Variants in ADNP observed in about 807,000 individuals in gnomAD.
ADNP encodes the protein activity-dependent neuroprotector homeobox protein.
Under a neutral mutation model 84.9 loss-of-function variants are expected in ADNP, and 4 were observed. The observed-to-expected ratio is 0.05, with a 90% CI of 0.02 to 0.11. The LOEUF (loss-of-function observed/expected upper bound fraction) is 0.11. Ranked by LOEUF, ADNP falls within the 10% of genes least tolerant of loss-of-function variation. ADNP has a pLI of 1.00. For missense variants in ADNP, 1,132 were observed against 1,326.0 expected, an observed-to-expected ratio of 0.85 and a Z score of 2.27; for synonymous variants, 554 against 468.1, an observed-to-expected ratio of 1.18 and a Z score of -2.37.
rs370874843 is a variant in ADNP at position 50,891,883 on chromosome 20, T to A, written c.2831A>T (p.Glu944Val). The change falls in exon 6 of 6, where the codon GAA becomes GTA. Residue 944 changes from glutamate (E) to valine (V), a missense_variant. Physicochemically the swap from Glu to Val is moderately radical, Grantham distance 121. This residue lies in a region of ADNP where 381 missense variants were observed against 319.9 expected (regional missense o/e 1.19). Transcript: ENST00000621696. The part of the protein sequence containing the change: ...SKYETIHLTE[E>V]PTKLMHNASD... ...TGCATTGTGCATTAGTTTGGTTGGT[T>A]CCTCAGTCAAATGAATAGTTTCGTA... The A allele has an allele frequency of 1.2e-6, 2 of 1,614,076 alleles. No individual in the cohort carries two copies. The highest frequency in any genetic ancestry group is 2.7e-5 in the African/African-American group (2 of 74,926).
At chr20:50,903,093 A>C (rs913336624) in intron 4 of ADNP, among the ~76,000 whole-genome samples, 1 of 152,196 alleles carries the variant, frequency 6.6e-6, no homozygotes, top group Non-Finnish European at 1.5e-5. Context: ...CGTGCAAAAC[A>C]CTGTGCTAGG....
At chr20:50,907,410 G>A (rs2122868349) in intron 2 of ADNP, among the ~76,000 whole-genome samples, 1 of 152,144 alleles carries the variant, frequency 6.6e-6, no homozygotes, top group Admixed American at 6.5e-5. Flanking sequence ...GGGACTACAG[G>A]CGCGTACCAC....
intron 2 of ADNP, among the ~76,000 whole-genome samples, chr20:50,922,528 C>T (rs1984023723): frequency 6.6e-6 from 1 of 151,444 alleles, no homozygotes; most frequent in South Asian, 2.1e-4. Context: ...GGGCGCCACC[C>T]TCCAGGTGTG....
rs201610319 is a variant in ADNP at position 50,893,675 on chromosome 20, T to C, written c.1039A>G (p.Met347Val). The change falls in exon 6 of 6, where the codon ATG (methionine) becomes GTG (valine). Residue 347 changes from methionine (M) to valine (V), a missense_variant. By Grantham distance (21) the Met-to-Val change is conservative. Around this residue, in one of 10 missense-constraint regions of ADNP, gnomAD observed 239 missense variants for 213.2 expected, o/e 1.12. Transcript: ENST00000621696. The surrounding 1 kb of genome is among the most constrained non-coding windows in gnomAD (Gnocchi z 4.4). ...GCGTTGCCACCTAGACCCAGTCTCA[T>C]TGACTGACCAACACTGTAACCCTGG... Reference protein sequence around the residue: ...VGQGYSVGQSMRLGLGGNAPV... With the variant: ...VGQGYSVGQSVRLGLGGNAPV... 172 of 1,614,190 alleles carry C rather than the reference T, an allele frequency of 1.1e-4. No individual in the cohort carries two copies. The highest frequency in any genetic ancestry group is 3.3e-4 in the Middle Eastern group (2 of 6,062).
intron 5 of ADNP, among the ~76,000 whole-genome samples, chr20:50,897,886 AGAG>A (rs1451960651): frequency 2.0e-5 from 3 of 152,224 alleles, no homozygotes; most frequent in Non-Finnish European, 2.9e-5. Flanking sequence ...GCATCTTGAA[AGAG>A]GAGCAGGGTC....
chr20:50,891,818 T>C lies in ADNP; in HGVS notation c.2896A>G (p.Lys966Glu), dbSNP rs1980770782. The C allele has an allele frequency of 6.2e-7, 1 of 1,614,094 alleles. No individual in the cohort carries two copies. Among genetic ancestry groups the C allele is most frequent in the African/African-American group, 1.3e-5 (1 of 74,934 alleles). Residue 966 changes from lysine (K) to glutamate (E), a missense_variant, in exon 6 of 6, where the codon AAA becomes GAA. Physicochemically the swap from Lys to Glu is moderately conservative, Grantham distance 56. Around this residue, in one of 10 missense-constraint regions of ADNP, gnomAD observed 381 missense variants for 319.9 expected, o/e 1.19. Transcript: ENST00000621696. ...EVDQDDVVEWKDGASPSESGP... is the reference protein window; with the variant it reads ...EVDQDDVVEWEDGASPSESGP... Reference sequence around the variant, plus strand: ...CTCTCAGATGGAGAAGCACCGTCTTTCCACTCAACAACATCGTCTTGGTCA... The same window carrying C: ...CTCTCAGATGGAGAAGCACCGTCTTCCCACTCAACAACATCGTCTTGGTCA...
At chr20:50,897,633 T>C (rs1981543989) in intron 5 of ADNP, among the ~76,000 whole-genome samples, 1 of 152,196 alleles carries the variant, frequency 6.6e-6, no homozygotes, top group African/African-American at 2.4e-5. Context: ...TCCAGAATTG[T>C]ATCAGAATCT....
intron 2 of ADNP, among the ~76,000 whole-genome samples, chr20:50,922,285 G>A (rs1344159802): frequency 6.6e-6 from 1 of 152,030 alleles, no homozygotes; most frequent in Non-Finnish European, 1.5e-5. Flanking sequence ...CACAAGATGG[G>A]GGCTCAGTCC....
rs767049382 is a variant in ADNP, at chr20:50,891,837, T to C, written c.2877A>G (p.Gln959=). ...CGTCTTTCCACTCAACAACATCGTC[T>C]TGGTCAACCTCACTATCAGATGCAT... is the stretch of plus-strand genomic sequence containing the variant. ...MHNASDSEVD[Q]DDVVEWKDGA... The change falls in exon 6 of 6, where the codon CAA becomes CAG. Residue 959 remains glutamine (Q), a synonymous_variant. Coordinates refer to ENST00000621696, the MANE Select transcript of ADNP (RefSeq NM_001282531.3). The C allele has an allele frequency of 1.2e-6, 2 of 1,614,136 alleles. No individual in the cohort carries two copies. The highest frequency in any genetic ancestry group is 2.7e-5 in the African/African-American group (2 of 74,942).
intron 2 of ADNP, among the ~76,000 whole-genome samples, chr20:50,925,964 T>C (rs537564086): frequency 6.6e-6 from 1 of 152,136 alleles, no homozygotes; most frequent in Non-Finnish European, 1.5e-5. Context: ...AACCAAGCGT[T>C]GTGGCAGGCA....
chr20:50,889,745 T>A lies in ADNP; in HGVS notation c.*1660A>T. ...GCTGGAAATGTTGGCCTAATTCTGCTTCCTTGTAACTTTCTGCTTTTTAGT... is the reference window on the plus strand; with the variant it reads ...GCTGGAAATGTTGGCCTAATTCTGCATCCTTGTAACTTTCTGCTTTTTAGT... On this transcript the variant is annotated 3_prime_UTR_variant, in exon 6 of 6. Transcript: ENST00000621696. 2.5e-6 allele frequency: 1 copy of A among 396,218 alleles called. No individual in the cohort carries two copies. The highest frequency in any genetic ancestry group is 4.4e-6 in the Non-Finnish European group (1 of 224,910). 24.5% of individuals were successfully genotyped at this position (396,218 alleles called of 1,614,324 possible).
At position 50,931,257 on chromosome 20, in the gene ADNP, G is replaced by T. The variant is rs1341014378; in HGVS notation, c.-696C>A. ...GCACAAGATGGCGGCGGCCGGGGGG[G>T]GGGGGGCGGGAGTTCAGCTCATGGA... On this transcript the variant is annotated 5_prime_UTR_variant, in exon 1 of 6. Transcript: ENST00000621696. The T allele has an allele frequency of 4.7e-5, 5 of 106,252 alleles. No individual in the cohort carries two copies. Among genetic ancestry groups the T allele is most frequent in the Non-Finnish European group, 1.0e-4 (5 of 49,314 alleles). 6.6% of individuals were successfully genotyped at this position (106,252 alleles called of 1,614,324 possible).
chr20:50,893,667 C>T lies in ADNP; in HGVS notation c.1047G>A (p.Leu349=), dbSNP rs1981065542. 1 of 1,614,084 alleles carries T rather than the reference C, an allele frequency of 6.2e-7. No individual in the cohort carries two copies. The highest frequency in any genetic ancestry group is 1.7e-5 in the Admixed American group (1 of 60,012). ...QGYSVGQSMR[L]GLGGNAPVSI... is the part of the protein sequence containing the mutation. ...AAACTGGTGCGTTGCCACCTAGACC[C>T]AGTCTCATTGACTGACCAACACTGT... Residue 349 remains leucine (L), a synonymous_variant, in exon 6 of 6, where the codon CTG becomes CTA. Coordinates refer to ENST00000621696, the MANE Select transcript of ADNP (RefSeq NM_001282531.3). This position sits in a 1 kb window ranked among gnomAD's most constrained non-coding sequence, Gnocchi z 4.4.
intron 2 of ADNP, among the ~76,000 whole-genome samples, chr20:50,919,207 C>T (rs762301315): frequency 6.6e-6 from 1 of 151,476 alleles, no homozygotes; most frequent in African/African-American, 2.4e-5. Flanking sequence ...GCTCACAGCT[C>T]CCAGCACTTT....
At chr20:50,901,860 T>TAAGAA (rs1281963538) in intron 5 of ADNP, among the ~76,000 whole-genome samples, 157 bp downstream of exon 5, 1 of 152,216 alleles carries the variant, frequency 6.6e-6, no homozygotes, top group African/African-American at 2.4e-5. Flanking sequence ...AAGTTTTTCT[T>TAAGAA]AGTCTTCCCA....
intron 2 of ADNP, among the ~76,000 whole-genome samples, chr20:50,910,877 C>T (rs1359574506): frequency 6.6e-6 from 1 of 152,122 alleles, no homozygotes. Flanking sequence ...TGGTCTCCAA[C>T]TCTTGAGCTC....
intron 5 of ADNP, among the ~76,000 whole-genome samples, chr20:50,896,568 A>C (rs546822030): frequency 4.5e-4 from 68 of 151,736 alleles, no homozygotes; most frequent in African/African-American, 1.2e-3. Flanking sequence ...TCAAAAAAAA[A>C]CCAAAAACTT....
At chr20:50,894,761 GTGGTGGGCGCCTGTA>G (rs1981206431) in intron 5 of ADNP, among the ~76,000 whole-genome samples, 1 of 152,158 alleles carries the variant, frequency 6.6e-6, no homozygotes, top group Non-Finnish European at 1.5e-5. Context: ...GCTGAGCGTG[GTGGTGGGCGCCTGTA>G]ATCCCAGCTA....
chr20:50,919,291 G>GTATATATATATATATATA (rs199569280), intron 2 of ADNP, among the ~76,000 whole-genome samples: 27 of 77,192 alleles, frequency 3.5e-4, no homozygotes, highest in African/African-American at 1.2e-3. Flanking sequence ...ATATTTAAGT[G>GTATATATATATATATATA]TATATATATA....
Sources: allele counts gnomAD v4.1 joint callset (sites outside exome capture counted in the v4.1 genomes callset), GRCh38; gene constraint gnomAD v4.1.1; regional missense constraint gnomAD v4.1.1; non-coding constraint Gnocchi (gnomAD v3.1); transcripts MANE v1.5; gene names NCBI Gene and HGNC (gene_info 2026-07-23, HGNC 2026-07-21).